LRP1B: variants seen among roughly 807,000 people sequenced by gnomAD.
LRP1B encodes LDL receptor related protein 1B, also known as low-density lipoprotein receptor-related protein 1B.
In LRP1B, 217 loss-of-function variants were observed where a neutral mutation model predicts 556.6. The ratio of observed to expected loss-of-function variants is 0.39; its 90% confidence interval spans 0.35 to 0.44. LRP1B has a LOEUF of 0.44. Ranked by LOEUF, LRP1B falls within the 20% of genes least tolerant of loss-of-function variation. The pLI, the probability that LRP1B is intolerant of heterozygous loss-of-function variation, is 1.00. For synonymous variants in LRP1B, 2,047 were observed against 1,865.8 expected, an observed-to-expected ratio of 1.10 and a Z score of -2.50; for missense variants, 5,053 against 5,620.8, an observed-to-expected ratio of 0.90 and a Z score of 3.23.
intron 3 of LRP1B, among the ~76,000 whole-genome samples, chr2:141,349,502 G>C (rs1688372572): frequency 6.6e-6 from 1 of 152,022 alleles, no homozygotes; most frequent in Non-Finnish European, 1.5e-5. Context: ...TCAAACCTCT[G>C]TAGTTTACTA....
chr2:140,401,199 T>C (rs1224271994), intron 66 of LRP1B, among the ~76,000 whole-genome samples: 1 of 152,162 alleles, frequency 6.6e-6, no homozygotes, highest in African/African-American at 2.4e-5. Context: ...CCTGGCCTTG[T>C]GAGGCAGATG....
rs527413225 is a variant in LRP1B at position 141,691,270 on chromosome 2, G to A, written c.205+119009C>T. ...GACTCCTCTATTTTGACAAAGAAATGTATTTCTATAATGAATATTCAGTAC... is the reference window on the plus strand; with the variant it reads ...GACTCCTCTATTTTGACAAAGAAATATATTTCTATAATGAATATTCAGTAC... On this transcript the variant is annotated intron_variant, in intron 2 of 90. Transcript: ENST00000389484. Among the ~76,000 whole-genome samples the A allele has an allele frequency of 1.7e-4, 26 of 151,876 alleles. No homozygotes were observed. The East Asian group carries it at 3.5e-3, about 21-fold the overall frequency.
At chr2:141,947,647 A>T (rs540007023) in intron 1 of LRP1B, among the ~76,000 whole-genome samples, 1 of 152,048 alleles carries the variant, frequency 6.6e-6, no homozygotes, top group Non-Finnish European at 1.5e-5. Flanking sequence ...GTACATACTT[A>T]ATTCTCTTTA....
At chr2:142,089,654 T>C (rs2381202) in intron 1 of LRP1B, among the ~76,000 whole-genome samples, 3,784 of 152,266 alleles carry the variant, frequency 0.025, 78 homozygotes, top group Non-Finnish European at 0.04. Flanking sequence ...GAGGGATAGT[T>C]ATCATGCATC....
At chr2:141,295,940 G>A (rs756292122) in intron 3 of LRP1B, among the ~76,000 whole-genome samples, 4 of 152,086 alleles carry the variant, frequency 2.6e-5, no homozygotes, top group South Asian at 2.1e-4. Context: ...CTGTAGTCTC[G>A]GTTAATTTCC....
At chr2:141,525,707 C>G (rs1233108304) in intron 2 of LRP1B, among the ~76,000 whole-genome samples, 1 of 151,870 alleles carries the variant, frequency 6.6e-6, no homozygotes, top group Non-Finnish European at 1.5e-5. Context: ...TTTCACTGGT[C>G]ATAGGAGAAA....
intron 41 of LRP1B, among the ~76,000 whole-genome samples, chr2:140,664,508 T>A (rs1022603290): frequency 3.9e-5 from 6 of 151,968 alleles, no homozygotes; most frequent in Non-Finnish European, 5.9e-5. Context: ...CAATGGAAAA[T>A]AATTTATTTT....
intron 35 of LRP1B, among the ~76,000 whole-genome samples, chr2:140,725,967 T>G (rs1687580183): frequency 6.6e-6 from 1 of 152,180 alleles, no homozygotes; most frequent in Non-Finnish European, 1.5e-5. Context: ...CCATTAGAAC[T>G]GCTTGAGGAA....
At chr2:141,484,989 A>T (rs954135106) in intron 2 of LRP1B, among the ~76,000 whole-genome samples, 7 of 152,174 alleles carry the variant, frequency 4.6e-5, no homozygotes, top group Non-Finnish European at 7.4e-5. Flanking sequence ...GGAACATGAT[A>T]GCAGGAGTAA....
At chr2:141,519,733 T>C (rs1384904471) in intron 2 of LRP1B, among the ~76,000 whole-genome samples, 1 of 152,032 alleles carries the variant, frequency 6.6e-6, no homozygotes, top group Non-Finnish European at 1.5e-5. Flanking sequence ...CTGTACTCAA[T>C]GTGTTGGCTG....
At chr2:141,183,708 A>T (rs2105179207) in intron 7 of LRP1B, among the ~76,000 whole-genome samples, 1 of 152,060 alleles carries the variant, frequency 6.6e-6, no homozygotes, top group Middle Eastern at 3.4e-3. Context: ...AAAATATTTA[A>T]TTTCTGTTAT....
intron 63 of LRP1B, 79 bp from the exon 64 acceptor site, chr2:140,444,758 G>A (rs1686580365): frequency 6.2e-6 from 5 of 812,420 alleles, no homozygotes; most frequent in Non-Finnish European, 1.1e-5. Flanking sequence ...TGACATTCAA[G>A]ATATTTACTA....
At chr2:140,926,650 A>C (rs1158985608) in intron 20 of LRP1B, among the ~76,000 whole-genome samples, 2 of 152,132 alleles carry the variant, frequency 1.3e-5, no homozygotes, top group Admixed American at 6.6e-5. Flanking sequence ...GCTAATGTCC[A>C]TGATTTTTAG....
At chr2:140,555,447 T>C (rs1193060211) in intron 43 of LRP1B, among the ~76,000 whole-genome samples, 1 of 152,066 alleles carries the variant, frequency 6.6e-6, no homozygotes, top group Non-Finnish European at 1.5e-5. Context: ...TAGCAATACC[T>C]CTTATTAGTA....
intron 21 of LRP1B, among the ~76,000 whole-genome samples, chr2:140,920,937 A>G (rs778870442): frequency 2.0e-5 from 3 of 152,020 alleles, no homozygotes; most frequent in Non-Finnish European, 4.4e-5. Context: ...TTCTCTAAAG[A>G]TAGCCAGCTT....
chr2:141,441,065 T>C (rs771731415), intron 3 of LRP1B, among the ~76,000 whole-genome samples: 3 of 152,116 alleles, frequency 2.0e-5, no homozygotes, highest in Non-Finnish European at 4.4e-5. Context: ...ATTTTTTTTT[T>C]ATTTTTTATT....
At position 141,544,325 on chromosome 2, in the gene LRP1B, C is replaced by CTTCTTCTTCTTCTTCTTCTTCTT. The variant is rs1559130996; in HGVS notation, c.206-63815_206-63793dup. ...TCTTCTTCTTCTTCTTCTTCTTCTT[C>CTTCTTCTTCTTCTTCTTCTTCTT]TTCTTCTTCTTCTTCTTCTTCTTCT... is the stretch of plus-strand genomic sequence containing the variant. On this transcript the variant is annotated intron_variant, in intron 2 of 90. Coordinates refer to ENST00000389484, the MANE Select transcript of LRP1B (RefSeq NM_018557.3). Among the ~76,000 whole-genome samples the CTTCTTCTTCTTCTTCTTCTTCTT allele has an allele frequency of 9.2e-4, 51 of 55,592 alleles. 1 individual carries two copies. The highest frequency in any genetic ancestry group is 2.0e-3 in the East Asian group (3 of 1,472). The allele number at this position is 55,592 out of a possible 152,430, so 36.5% of individuals were successfully genotyped here. A position where few individuals can be genotyped will look rare whatever the true frequency, so the allele number is the denominator to read the frequency against.
chr2:141,465,543 C>CTT (rs71391652), intron 3 of LRP1B, among the ~76,000 whole-genome samples: 4,047 of 117,214 alleles, frequency 0.035, 134 homozygotes, highest in Non-Finnish European at 0.045. Context: ...CACAGCATGA[C>CTT]TTTTTTTTTT....
rs559646163 is a variant in LRP1B, at chr2:140,815,350, C to T, written c.5210-1544G>A. 1.3e-4 allele frequency among the ~76,000 whole-genome samples: 20 copies of T among 152,114 alleles called. No homozygotes were observed. In the East Asian group the frequency reaches 1.4e-3, roughly 10 times the overall value. ...AGAGTTGGGGTCTCACTCTGTTGCC[C>T]GGCTAGAATGCAGTGGCACAATCAT... On this transcript the variant is annotated intron_variant, in intron 31 of 90. Transcript: ENST00000389484.
Sources: gnomAD v4.1 joint callset for allele counts (sites outside exome capture counted in the v4.1 genomes callset) on GRCh38, gnomAD v4.1.1 for gene constraint, MANE v1.5 for transcripts, NCBI Gene and HGNC (gene_info 2026-07-23, HGNC 2026-07-21) for gene names.